Variants in CCDC47 observed in about 807,000 individuals in gnomAD.
The protein encoded by CCDC47 is coiled-coil domain containing 47.
A neutral mutation model predicts 60.5 loss-of-function variants in CCDC47; 41 were observed. That is an observed-to-expected ratio of 0.68 (90% CI 0.53 to 0.88). The LOEUF (loss-of-function observed/expected upper bound fraction) is 0.88, where lower values mean the gene tolerates loss of function less well. Among genes scored for constraint, CCDC47 ranks in the 40% least tolerant of loss-of-function variants. The pLI is 0.00. For synonymous variants in CCDC47, 195 were observed against 190.7 expected (o/e 1.02, Z -0.18); for missense variants, 513 against 580.9 (o/e 0.88, Z 1.20).
chr17:63,767,514 A>G (rs993063522), intron 1 of CCDC47, among the ~76,000 whole-genome samples: 2 of 152,274 alleles, frequency 1.3e-5, no homozygotes, highest in South Asian at 2.1e-4. Flanking sequence ...TTTGAAAAGT[A>G]TATTTCAACC....
rs2039281323 is a variant in CCDC47, at chr17:63,764,208, T to C, written c.373-18A>G. On this transcript the variant is annotated intron_variant, in intron 3 of 12. Transcript: ENST00000225726. The stretch of plus-strand genomic sequence containing the variant: ...GCAGGAACCTAAAAAAGCAAAATCA[T>C]TCCATTAAATGTTGGCTGAGACTGA... The C allele has an allele frequency of 1.3e-6, 2 of 1,562,714 alleles. No homozygotes were observed. Among genetic ancestry groups the C allele is most frequent in the Admixed American group, 2.0e-5 (1 of 49,742 alleles).
chr17:63,761,211 C>G lies in CCDC47; in HGVS notation c.669+19G>C. Reference sequence around the variant, plus strand: ...AAATTAAGGGAAGATATATATCGTACAAGAAGTTTCCTACTTACCCTCAGC... The same window carrying G: ...AAATTAAGGGAAGATATATATCGTAGAAGAAGTTTCCTACTTACCCTCAGC... On this transcript the variant is annotated intron_variant, in intron 5 of 12. Transcript: ENST00000225726. 1 of 1,613,912 alleles carries G rather than the reference C, an allele frequency of 6.2e-7. No individual in the cohort carries two copies. Among genetic ancestry groups the G allele is most frequent in the East Asian group, 2.2e-5 (1 of 44,874 alleles).
In CCDC47 at chr17:63,752,726, A is replaced by C. The variant is rs2039176678; in HGVS notation, c.1093+15T>G. Reference sequence around the variant, plus strand: ...AGAGAAGACTAAGAACCCAGAAAGGACCCAGAATACTTACCATTAAATGTA... The same window carrying C: ...AGAGAAGACTAAGAACCCAGAAAGGCCCCAGAATACTTACCATTAAATGTA... On this transcript the variant is annotated intron_variant, in intron 10 of 12. Coordinates refer to ENST00000225726, the MANE Select transcript of CCDC47 (RefSeq NM_020198.3). The C allele has an allele frequency of 6.2e-7, 1 of 1,607,148 alleles. No homozygotes were observed. Among genetic ancestry groups the C allele is most frequent in the African/African-American group, 1.3e-5 (1 of 74,414 alleles).
chr17:63,769,317 T>A (rs1318343039), intron 1 of CCDC47, among the ~76,000 whole-genome samples: 8 of 148,440 alleles, frequency 5.4e-5, no homozygotes, highest in Non-Finnish European at 3.0e-5. Context: ...CAAATGCACA[T>A]AAAGAAAAAG....
At chr17:63,764,691 A>C (rs2039284605) in intron 3 of CCDC47, 49 bp downstream of exon 3, 2 of 1,499,392 alleles carry the variant, frequency 1.3e-6, no homozygotes, top group African/African-American at 2.8e-5. Flanking sequence ...GGGATTGATG[A>C]CAAGACATTT....
rs2039183890 is a variant in CCDC47 at position 63,753,729 on chromosome 17, C to T, written c.1034+704G>A. ...CACTTAACTATTCAAAGAGGGAAGC[C>T]AGAAAAGGCCATAAATTACAAAACA... On this transcript the variant is annotated intron_variant, in intron 9 of 12. Coordinates refer to ENST00000225726, the MANE Select transcript of CCDC47 (RefSeq NM_020198.3). 5.9e-6 allele frequency: 3 copies of T among 506,536 alleles called. No homozygotes were observed. The South Asian group carries it at 2.5e-4, about 43-fold the overall frequency. 31.4% of individuals were successfully genotyped at this position (506,536 alleles called of 1,614,324 possible).
chr17:63,764,199 G>A lies in CCDC47; in HGVS notation c.373-9C>T, dbSNP rs1262285137. On this transcript the variant is annotated splice_polypyrimidine_tract_variant and intron_variant, in intron 3 of 12. Coordinates refer to ENST00000225726, the MANE Select transcript of CCDC47 (RefSeq NM_020198.3). The stretch of plus-strand genomic sequence containing the variant: ...TGGAGGTGTGCAGGAACCTAAAAAA[G>A]CAAAATCATTCCATTAAATGTTGGC... 1 of 1,576,988 alleles carries A rather than the reference G, an allele frequency of 6.3e-7. No homozygotes were observed. Among genetic ancestry groups the A allele is most frequent in the Non-Finnish European group, 8.6e-7 (1 of 1,166,556 alleles).
In CCDC47 at chr17:63,766,185, A is replaced by T. The variant is rs111830704; in HGVS notation, c.-10T>A. 5,581 of 1,592,270 alleles carry T rather than the reference A, an allele frequency of 3.5e-3. 149 individuals carry two copies. In the African/African-American group the frequency reaches 0.058, roughly 17 times the overall value. On this transcript the variant is annotated 5_prime_UTR_variant, in exon 2 of 13. Transcript: ENST00000225726. ...TGTGGAAGGCTTTCATTGCACCTTG[A>T]GAAAAAAAGCTTAAAAAAAAAGAGA...
Position 63,753,299 on chromosome 17 carries a change from A to G in CCDC47, c.1035-500T>C, listed in dbSNP as rs374547145. On this transcript the variant is annotated intron_variant, in intron 9 of 12. Transcript: ENST00000225726. ...GAAGATTCCTTTGTAATCTCTGCCTATATGAATCCTTTGACTATCAATTGC... is the reference window on the plus strand; with the variant it reads ...GAAGATTCCTTTGTAATCTCTGCCTGTATGAATCCTTTGACTATCAATTGC... 126 of 712,800 alleles carry G rather than the reference A, an allele frequency of 1.8e-4. 3 individuals are homozygous for G. The South Asian group carries it at 7.2e-3, about 41-fold the overall frequency. The allele number at this position is 712,800 out of a possible 1,614,324, so 44.2% of individuals were successfully genotyped here.
intron 12 of CCDC47, chr17:63,747,636 C>T: frequency 3.0e-6 from 3 of 985,300 alleles, no homozygotes; most frequent in Non-Finnish European, 2.4e-6. Context: ...GTGGTCACAC[C>T]TGATTAAAAG....
At chr17:63,771,167 G>C (rs1186580509) in intron 1 of CCDC47, among the ~76,000 whole-genome samples, 2 of 151,908 alleles carry the variant, frequency 1.3e-5, no homozygotes, top group Non-Finnish European at 2.9e-5. Flanking sequence ...CTACCCATGG[G>C]TTCCACATCT....
chr17:63,765,646 A>G, intron 2 of CCDC47: 1 of 1,157,940 alleles, frequency 8.6e-7, no homozygotes, highest in African/African-American at 1.6e-5. Context: ...AGCCAATTGC[A>G]AAGTTCTAAA....
intron 1 of CCDC47, among the ~76,000 whole-genome samples, chr17:63,770,814 C>T (rs1387420853): frequency 7.9e-5 from 12 of 151,292 alleles, no homozygotes; most frequent in Admixed American, 3.3e-4. Flanking sequence ...GGTGAAATCC[C>T]GTCTCGACTA....
At chr17:63,760,882 G>C in intron 6 of CCDC47, 32 bp downstream of exon 6, 1 of 1,381,222 alleles carries the variant, frequency 7.2e-7, no homozygotes, top group Non-Finnish European at 1.0e-6. Context: ...AATTCAGTCT[G>C]TACACAGAAA....
chr17:63,761,073 A>G, intron 5 of CCDC47, 94 bp from the exon 6 acceptor site: 10 of 1,376,928 alleles, frequency 7.3e-6, no homozygotes, highest in South Asian at 3.6e-5. Flanking sequence ...TTCATCAAAT[A>G]TACTTTACGA....
intron 6 of CCDC47, among the ~76,000 whole-genome samples, chr17:63,760,667 T>C (rs1411273939): frequency 6.6e-6 from 1 of 151,948 alleles, no homozygotes; most frequent in African/African-American, 2.4e-5. Flanking sequence ...GGTGAAACCC[T>C]GACTCTACTA....
In CCDC47 at chr17:63,761,021, C is replaced by T. The variant is rs773457753; in HGVS notation, c.670-42G>A. ...AAGTAAGTAAATCCAACTGCAACTC[C>T]TACTTAGTATAAAAAAAAGGCCTTG... is the stretch of plus-strand genomic sequence containing the variant. On this transcript the variant is annotated intron_variant, in intron 5 of 12. Coordinates refer to ENST00000225726, the MANE Select transcript of CCDC47 (RefSeq NM_020198.3). The T allele has an allele frequency of 3.3e-5, 50 of 1,519,064 alleles. No individual in the cohort carries two copies. The South Asian group carries it at 4.1e-4, about 12-fold the overall frequency. 94.1% of individuals were successfully genotyped at this position (1,519,064 alleles called of 1,614,324 possible).
At chr17:63,772,342 C>G (rs2039351890) in intron 1 of CCDC47, among the ~76,000 whole-genome samples, 1 of 150,492 alleles carries the variant, frequency 6.6e-6, no homozygotes, top group East Asian at 2.0e-4. Context: ...CAAGCTCCGC[C>G]TCCCGGGTTC....
rs1395705595 is a variant in CCDC47, at chr17:63,751,995, GCT to G, written c.1314_1315del (p.Arg438SerfsTer9). The G allele has an allele frequency of 1.9e-6, 3 of 1,613,210 alleles. No individual in the cohort carries two copies. Among genetic ancestry groups the G allele is most frequent in the African/African-American group, 2.7e-5 (2 of 74,788 alleles). ...CTCATTCATGATTCGCTCCTTCTCTGCTCTTTTTTTCTCCTCCCGCCGAGACT... is the reference window on the plus strand; with the variant it reads ...CTCATTCATGATTCGCTCCTTCTCTGCTTTTTTTCTCCTCCCGCCGAGACT... On this transcript the variant is annotated frameshift_variant, in exon 12 of 13. Coordinates refer to ENST00000225726, the MANE Select transcript of CCDC47 (RefSeq NM_020198.3). LOFTEE classifies it high-confidence loss of function.
Sources: gnomAD v4.1 joint callset for allele counts (sites outside exome capture counted in the v4.1 genomes callset) on GRCh38, gnomAD v4.1.1 for gene constraint, MANE v1.5 for transcripts, NCBI Gene and HGNC (gene_info 2026-07-23, HGNC 2026-07-21) for gene names.